Variants in NPAS2 observed in about 807,000 individuals in gnomAD.
NPAS2 encodes neuronal PAS domain protein 2.
NPAS2 carries 23 observed loss-of-function variants against 107.5 expected under a neutral mutation model. The ratio of observed to expected loss-of-function variants is 0.21; its 90% CI spans 0.15 to 0.30. NPAS2 has a LOEUF of 0.30. Among genes scored for constraint, NPAS2 ranks in the 10% least tolerant of loss-of-function variants. The pLI is 1.00. For missense variants in NPAS2, 756 were observed against 1,043.3 expected, an observed-to-expected ratio of 0.72 and a Z score of 3.79; for synonymous variants, 403 against 417.5, an observed-to-expected ratio of 0.97 and a Z score of 0.42.
chr2:100,950,208 G>C (rs997116277), intron 7 of NPAS2, among the ~76,000 whole-genome samples: 2 of 152,146 alleles, frequency 1.3e-5, no homozygotes, highest in Admixed American at 6.5e-5. Context: ...CCTGCATTTT[G>C]TTTTCTGGGC....
In NPAS2 at chr2:100,954,103, T is replaced by C. The variant is rs567604227; in HGVS notation, c.598+4623T>C. On this transcript the variant is annotated intron_variant, in intron 7 of 20. Coordinates refer to ENST00000335681, the MANE Select transcript of NPAS2 (RefSeq NM_002518.4). ...AGAAAGAATGGGTGAGAGAGAGTAGTATGAATAAGTGTAGTGGGATCTGGG... is the reference window on the plus strand; with the variant it reads ...AGAAAGAATGGGTGAGAGAGAGTAGCATGAATAAGTGTAGTGGGATCTGGG... 1.4e-4 allele frequency among the ~76,000 whole-genome samples: 21 copies of C among 152,188 alleles called. 1 individual carries two copies. In the South Asian group the frequency reaches 4.2e-3, roughly 30 times the overall value.
At chr2:100,983,173 C>T (rs1677566620) in intron 16 of NPAS2, 1 of 152,206 alleles carries the variant, frequency 6.6e-6, no homozygotes. Context: ...TTTGGAGACC[C>T]TTAGAAGGGA....
At chr2:100,940,638 A>T (rs1300789015) in intron 5 of NPAS2, among the ~76,000 whole-genome samples, 1 of 152,172 alleles carries the variant, frequency 6.6e-6, no homozygotes, top group African/African-American at 2.4e-5. Flanking sequence ...ATCCTTATGG[A>T]TCCTATGAAG....
intron 1 of NPAS2, among the ~76,000 whole-genome samples, chr2:100,842,081 G>GCGCGCGCGCGCACACACACACACACACA: frequency 2.6e-3 from 390 of 148,890 alleles, no homozygotes; most frequent in Non-Finnish European, 4.6e-3. Context: ...GCATGTACGC[G>GCGCGCGCGCGCACACACACACACACACA]CACACACACA....
chr2:100,878,175 T>TGTGGCCGTGCAAGGAGCA, intron 1 of NPAS2: 1 of 985,312 alleles, frequency 1.0e-6, no homozygotes, highest in Non-Finnish European at 1.2e-6. Context: ...GGTCAGTGCG[T>TGTGGCCGTGCAAGGAGCA]GTGGCCGTGC....
At chr2:100,972,113 A>G (rs1676616610) in intron 12 of NPAS2, among the ~76,000 whole-genome samples, 1 of 151,856 alleles carries the variant, frequency 6.6e-6, no homozygotes, top group Non-Finnish European at 1.5e-5. Context: ...ACACCTGGCT[A>G]ATTTTTGTGT....
chr2:100,928,716 T>C (rs1683742809), intron 3 of NPAS2, among the ~76,000 whole-genome samples: 1 of 152,114 alleles, frequency 6.6e-6, no homozygotes, highest in Non-Finnish European at 1.5e-5. Context: ...GAGCAAAACT[T>C]GGATTAAAGC....
chr2:100,819,799 CT>C (rs1376654092), upstream of NPAS2, among the ~76,000 whole-genome samples: 5 of 149,804 alleles, frequency 3.3e-5, no homozygotes, highest in Non-Finnish European at 5.9e-5. This position sits in a 1 kb window ranked among gnomAD's most constrained non-coding sequence, Gnocchi z 5.8. Context: ...CAACCCCCCC[CT>C]CCCCCAGCCC....
intron 1 of NPAS2, among the ~76,000 whole-genome samples, chr2:100,896,712 A>G (rs1001840451): frequency 8.5e-5 from 13 of 152,158 alleles, no homozygotes; most frequent in African/African-American, 3.1e-4. Context: ...TGTAAGCACT[A>G]TTACCTTGGA....
At chr2:100,928,681 G>A (rs779653213) in intron 3 of NPAS2, among the ~76,000 whole-genome samples, 5 of 152,280 alleles carry the variant, frequency 3.3e-5, no homozygotes, top group African/African-American at 9.6e-5. Context: ...TTCATGGTAC[G>A]TTTTTTGGGG....
chr2:100,892,520 C>A (rs996571009), intron 1 of NPAS2, among the ~76,000 whole-genome samples: 3 of 152,076 alleles, frequency 2.0e-5, no homozygotes, highest in Admixed American at 1.3e-4. Flanking sequence ...GAGGCTCCAG[C>A]AAGCACTGTG....
chr2:100,965,824 A>C lies in NPAS2; in HGVS notation c.907+58A>C. 1 of 1,097,890 alleles carries C rather than the reference A, an allele frequency of 9.1e-7. No homozygotes were observed. The highest frequency in any genetic ancestry group is 1.4e-6 in the Non-Finnish European group (1 of 725,738). The allele number at this position is 1,097,890 out of a possible 1,614,324, so 68.0% of individuals were successfully genotyped here. ...CCTTGCGTTCACTCCACTGGGGCCC[A>C]GCAGCAGGGCTCTGGGACTCCAGAA... On this transcript the variant is annotated intron_variant, in intron 10 of 20. Coordinates refer to ENST00000335681, the MANE Select transcript of NPAS2 (RefSeq NM_002518.4). This position sits in a 1 kb window ranked among gnomAD's most constrained non-coding sequence, Gnocchi z 4.3.
rs545713970 is a variant in NPAS2 at position 100,933,552 on chromosome 2, C to T, written c.273+551C>T. ...TGTCCTTTCTGTGCTGAGTGAGATG[C>T]TCATGTTCCTCCCTCTGGGTCAGAG... On this transcript the variant is annotated intron_variant, in intron 4 of 20. Coordinates refer to ENST00000335681, the MANE Select transcript of NPAS2 (RefSeq NM_002518.4). 2.0e-5 allele frequency among the ~76,000 whole-genome samples: 3 copies of T among 152,308 alleles called. No homozygotes were observed. The East Asian group carries it at 5.8e-4, about 29-fold the overall frequency.
chr2:100,871,438 C>T (rs1175658014), intron 1 of NPAS2, among the ~76,000 whole-genome samples: 2 of 150,052 alleles, frequency 1.3e-5, no homozygotes, highest in Non-Finnish European at 3.0e-5. Context: ...TCAAGCGATT[C>T]TTGCACCCCA....
intron 1 of NPAS2, among the ~76,000 whole-genome samples, chr2:100,843,761 C>T (rs1285892931): frequency 6.6e-6 from 1 of 151,980 alleles, no homozygotes; most frequent in Non-Finnish European, 1.5e-5. Flanking sequence ...TAAAGGATCT[C>T]TTTATAAAGG....
chr2:100,902,690 T>C (rs913623578), intron 1 of NPAS2, among the ~76,000 whole-genome samples: 5 of 152,162 alleles, frequency 3.3e-5, no homozygotes, highest in African/African-American at 1.2e-4. Context: ...CACTCAGCAG[T>C]GGTTAAGATG....
rs1414227987 is a variant in NPAS2 at position 100,993,484 on chromosome 2, A to C, written c.2249A>C (p.Gln750Pro). The change falls in exon 20 of 21, where the codon CAG (glutamine) becomes CCG (proline). Residue 750 changes from glutamine to proline, a missense_variant. Coordinates refer to ENST00000335681, the MANE Select transcript of NPAS2 (RefSeq NM_002518.4). ...CCTGCCTCCCAACCATCGCCCCTGC[A>C]GCCTGCACAGGCCCGGCAGCAGCCA... ...SFPASQPSPLQPAQARQQPPQ... is the reference protein window; with the variant it reads ...SFPASQPSPLPPAQARQQPPQ... 1 of 1,606,438 alleles carries C rather than the reference A, an allele frequency of 6.2e-7. No individual in the cohort carries two copies. The highest frequency in any genetic ancestry group is 8.5e-7 in the Non-Finnish European group (1 of 1,176,534).
At chr2:100,962,472 G>T (rs553766567) in intron 7 of NPAS2, among the ~76,000 whole-genome samples, 33 of 152,074 alleles carry the variant, frequency 2.2e-4, no homozygotes, top group African/African-American at 7.7e-4. Context: ...TGTGAAAAAC[G>T]CAGCACAGAT....
chr2:100,880,807 C>A (rs545360033), intron 1 of NPAS2, among the ~76,000 whole-genome samples: 1 of 152,148 alleles, frequency 6.6e-6, no homozygotes, highest in Non-Finnish European at 1.5e-5. Flanking sequence ...TCTGTGTGAC[C>A]CCTGGACATA....
Sources: allele counts gnomAD v4.1 joint callset (sites outside exome capture counted in the v4.1 genomes callset), GRCh38; gene constraint gnomAD v4.1.1; non-coding constraint Gnocchi (gnomAD v3.1); transcripts MANE v1.5; gene names NCBI Gene and HGNC (gene_info 2026-07-23, HGNC 2026-07-21).